The following AOX1 variants were observed in gnomAD, a reference collection of about 807,000 sequenced individuals.
AOX1 encodes aldehyde oxidase 1.
In AOX1, 153 loss-of-function variants were observed where a neutral mutation model predicts 169.5. The observed-to-expected ratio is 0.90, with a 90% confidence interval of 0.79 to 1.03. The LOEUF (loss-of-function observed/expected upper bound fraction) is 1.03. Among genes scored for constraint, AOX1 ranks in the 50% least tolerant of loss-of-function variants. The pLI, the probability that AOX1 is intolerant of heterozygous loss-of-function variation, is 0.00. For missense variants in AOX1, 1,656 were observed against 1,663.9 expected (o/e 1.00, Z 0.08); for synonymous variants, 562 against 581.9 (o/e 0.97, Z 0.49).
At chr2:200,648,262 T>G (rs1235739174) in intron 25 of AOX1, among the ~76,000 whole-genome samples, 3 of 152,196 alleles carry the variant, frequency 2.0e-5, no homozygotes, top group Non-Finnish European at 4.4e-5. Context: ...TTGTTCAGTT[T>G]CTTTTGTCCC....
Position 200,638,281 on chromosome 2 carries a change from T to G in AOX1, c.2547T>G (p.His849Gln). Residue 849 changes from histidine to glutamine, a missense_variant, in exon 23 of 35, where the codon CAT becomes CAG. By Grantham distance (24) the His-to-Gln change is conservative (BLOSUM62 0). Coordinates refer to ENST00000374700, the MANE Select transcript of AOX1 (RefSeq NM_001159.4). ...GEDMLITGGR[H>Q]PYLGKYKAGF... ...ACATGTTAATAACTGGAGGCCGCCA[T>G]CCTTACCTTGGAAAGTACAAAGTGA... The G allele has an allele frequency of 5.0e-6, 8 of 1,613,710 alleles. No individual in the cohort carries two copies. Among genetic ancestry groups the G allele is most frequent in the Non-Finnish European group, 6.8e-6 (8 of 1,179,672 alleles).
intron 16 of AOX1, 30 bp from the exon 17 acceptor site, chr2:200,620,619 TA>T: frequency 6.8e-7 from 1 of 1,469,512 alleles, no homozygotes; most frequent in East Asian, 2.6e-5. Context: ...TATAGAAATG[TA>T]AAAGTATATT....
chr2:200,610,202 G>A lies in AOX1; in HGVS notation c.1153+788G>A, dbSNP rs201864519. On this transcript the variant is annotated intron_variant, in intron 12 of 34. Coordinates refer to ENST00000374700, the MANE Select transcript of AOX1 (RefSeq NM_001159.4). ...TTCTCCTGCCTTGGCCTCCTGAGTA[G>A]CTAGGACTGCAGGCATGTGCCACCA... Among the ~76,000 whole-genome samples the A allele has an allele frequency of 6.6e-5, 10 of 152,072 alleles. No homozygotes were observed. In the East Asian group the frequency reaches 1.9e-3, roughly 29 times the overall value.
downstream of AOX1, among the ~76,000 whole-genome samples, chr2:200,677,698 C>T (rs1219088660): frequency 6.6e-6 from 1 of 152,196 alleles, no homozygotes; most frequent in African/African-American, 2.4e-5. Flanking sequence ...TGTCTGGGCC[C>T]ACTTTGCTCC....
intron 16 of AOX1, among the ~76,000 whole-genome samples, chr2:200,618,165 C>G (rs760816767): frequency 1.3e-5 from 2 of 152,264 alleles, no homozygotes; most frequent in South Asian, 2.1e-4. Flanking sequence ...GGGCCAAGGT[C>G]TAAATTATTT....
chr2:200,642,720 G>A lies in AOX1; in HGVS notation c.2766G>A (p.Gly922=). 1 of 1,614,192 alleles carries A rather than the reference G, an allele frequency of 6.2e-7. No individual in the cohort carries two copies. Among genetic ancestry groups the A allele is most frequent in the Non-Finnish European group, 8.5e-7 (1 of 1,180,020 alleles). Residue 922 remains glycine (G), a synonymous_variant, in exon 25 of 35, where the codon GGG becomes GGA. Transcript: ENST00000374700. ...TTCCATCCAACACAGCTTTTCGTGG[G>A]TTTGGCTTTCCTCAGGCAGCGCTGA... ...TNLPSNTAFR[G]FGFPQAALIT...
At chr2:200,634,164 ATTTTTTTT>A (rs58341876) in intron 20 of AOX1, among the ~76,000 whole-genome samples, 11,978 of 85,096 alleles carry the variant, frequency 0.14, 323 homozygotes, top group Middle Eastern at 0.22. Context: ...TTTCTTGAGG[ATTTTTTTT>A]TTTTTTTTTT....
chr2:200,640,871 T>C (rs1197209150), intron 23 of AOX1, among the ~76,000 whole-genome samples: 7 of 152,262 alleles, frequency 4.6e-5, no homozygotes, highest in Non-Finnish European at 1.0e-4. Context: ...TTTCAGGCAC[T>C]TGCCTATAAT....
chr2:200,660,247 G>A (rs2035794615), intron 29 of AOX1, among the ~76,000 whole-genome samples, 178 bp downstream of exon 29: 1 of 152,234 alleles, frequency 6.6e-6, no homozygotes, highest in Non-Finnish European at 1.5e-5. Context: ...TCACAGTGTG[G>A]TGGAGGAACT....
At position 200,624,219 on chromosome 2, in the gene AOX1, C is replaced by T. The variant is rs191238158; in HGVS notation, c.2124+236C>T. On this transcript the variant is annotated intron_variant, in intron 19 of 34. Transcript: ENST00000374700. ...CAATTCCTGTGGTCACACAGATGGC[C>T]GCCAGGACAACCTGGACTTCCTTGT... 3.4e-3 allele frequency among the ~76,000 whole-genome samples: 519 copies of T among 152,316 alleles called. 3 individuals carry two copies. Among genetic ancestry groups the T allele is most frequent in the African/African-American group, 0.012 (479 of 41,566 alleles).
chr2:200,678,220 C>T (rs1377012664), downstream of AOX1: 1 of 152,176 alleles, frequency 6.6e-6, no homozygotes, highest in African/African-American at 2.4e-5. Flanking sequence ...CAAGGTCTTG[C>T]TTACTTAACT....
intron 24 of AOX1, among the ~76,000 whole-genome samples, chr2:200,641,694 A>AT (rs370559858): frequency 1.7e-4 from 25 of 151,492 alleles, no homozygotes; most frequent in African/African-American, 4.8e-4. Context: ...TGCCTAGCTA[A>AT]TTTTTTTTTA....
At chr2:200,668,475 A>T in intron 32 of AOX1, 140 bp from the exon 33 acceptor site, 1 of 737,562 alleles carries the variant, frequency 1.4e-6, no homozygotes, top group Non-Finnish European at 2.2e-6. Context: ...ATAAACTTTC[A>T]GCAACATGCT....
chr2:200,657,204 T>A (rs2035714267), intron 27 of AOX1, among the ~76,000 whole-genome samples: 3 of 122,988 alleles, frequency 2.4e-5, no homozygotes, highest in African/African-American at 6.2e-5. Context: ...TTTTTTTTTT[T>A]TAATTAGCAG....
At chr2:200,587,433 C>G (rs1464053359) in intron 1 of AOX1, among the ~76,000 whole-genome samples, 2 of 152,174 alleles carry the variant, frequency 1.3e-5, no homozygotes, top group Admixed American at 6.5e-5. Flanking sequence ...TCCCGACGGG[C>G]ACCAGCTGCC....
Position 200,627,334 on chromosome 2 carries a change from T to G in AOX1, c.2125-19T>G, listed in dbSNP as rs1355556590. ...GGGTCTCTTGCCCAAGCTGCCTCAT[T>G]CCTCTGTTCTCTTTCTAGGAAAGTA... is the stretch of plus-strand genomic sequence containing the variant. On this transcript the variant is annotated intron_variant, in intron 19 of 34. Transcript: ENST00000374700. 2 of 1,585,914 alleles carry G rather than the reference T, an allele frequency of 1.3e-6. No individual in the cohort carries two copies. Among genetic ancestry groups the G allele is most frequent in the African/African-American group, 2.7e-5 (2 of 74,234 alleles).
At chr2:200,611,520 C>A in intron 13 of AOX1, 27 bp downstream of exon 13, 1 of 1,411,350 alleles carries the variant, frequency 7.1e-7, no homozygotes, top group East Asian at 2.3e-5. Context: ...GTCAATTTCC[C>A]AGTTGCACCT....
chr2:200,631,956 C>G (rs567695701), intron 20 of AOX1, among the ~76,000 whole-genome samples: 99 of 152,190 alleles, frequency 6.5e-4, no homozygotes, highest in Non-Finnish European at 1.0e-3. Flanking sequence ...AGAATCTATT[C>G]ATTTTTCTGT....
intron 31 of AOX1, among the ~76,000 whole-genome samples, chr2:200,666,345 A>G (rs945872882): frequency 6.6e-6 from 1 of 152,184 alleles, no homozygotes. Context: ...TGAGGGCCAT[A>G]GATGTTTTCT....
Sources: gnomAD v4.1 joint callset for allele counts (sites outside exome capture counted in the v4.1 genomes callset) on GRCh38, gnomAD v4.1.1 for gene constraint, MANE v1.5 for transcripts, NCBI Gene and HGNC (gene_info 2026-07-23, HGNC 2026-07-21) for gene names.